SEPTIN10: variants seen among roughly 807,000 people sequenced by gnomAD.
SEPTIN10 encodes the protein septin-10.
Under a neutral mutation model 54.8 loss-of-function variants are expected in SEPTIN10, and 66 were observed. The observed-to-expected ratio is 1.21, with a 90% CI of 0.99 to 1.48. The LOEUF (loss-of-function observed/expected upper bound fraction) is 1.48. SEPTIN10 is among the 40% of genes most tolerant of loss of function. SEPTIN10 has a pLI of 0.00. For missense variants in SEPTIN10, 620 were observed against 545.6 expected (o/e 1.14, Z -1.36); for synonymous variants, 161 against 181.0 (o/e 0.89, Z 0.89).
chr2:109,577,348 C>G (rs1689923165), intron 4 of SEPTIN10, among the ~76,000 whole-genome samples: 1 of 152,102 alleles, frequency 6.6e-6, no homozygotes, highest in Non-Finnish European at 1.5e-5. Context: ...AATTCCAGCA[C>G]TTTGGGAGGT....
chr2:109,604,099 T>G (rs1274130263), intron 1 of SEPTIN10, among the ~76,000 whole-genome samples: 3 of 147,494 alleles, frequency 2.0e-5, no homozygotes, highest in Non-Finnish European at 3.0e-5. Context: ...GAGGTGGAGA[T>G]TGCAGTGAGC....
chr2:109,609,418 G>T (rs151335678), intron 1 of SEPTIN10, among the ~76,000 whole-genome samples: 1 of 152,130 alleles, frequency 6.6e-6, no homozygotes, highest in African/African-American at 2.4e-5. Context: ...GATGCAAAAG[G>T]TTAACAATAC....
chr2:109,568,034 G>A (rs1226903086), intron 5 of SEPTIN10, 58 bp from the exon 6 acceptor site: 1 of 1,349,866 alleles, frequency 7.4e-7, no homozygotes, highest in African/African-American at 1.5e-5. Context: ...TAATCCTGCA[G>A]CTGTTTTTTC....
At chr2:109,548,340 T>C (rs1469892030) in intron 9 of SEPTIN10, among the ~76,000 whole-genome samples, 1 of 152,174 alleles carries the variant, frequency 6.6e-6, no homozygotes, top group South Asian at 2.1e-4. Context: ...ACATTTTAGT[T>C]CTGGGTAGAA....
At chr2:109,609,949 T>A (rs779873895) in intron 1 of SEPTIN10, among the ~76,000 whole-genome samples, 21 of 152,096 alleles carry the variant, frequency 1.4e-4, no homozygotes, top group Admixed American at 2.6e-4. Context: ...TAACTAATTA[T>A]ACAGCCAGGA....
chr2:109,579,861 C>A (rs777649716), intron 4 of SEPTIN10, among the ~76,000 whole-genome samples: 44 of 151,988 alleles, frequency 2.9e-4, no homozygotes, highest in Non-Finnish European at 5.9e-4. Context: ...TGGCTCATGC[C>A]TGTAATCCCA....
At chr2:109,549,682 T>C (rs968861660) in intron 9 of SEPTIN10, among the ~76,000 whole-genome samples, 1 of 152,210 alleles carries the variant, frequency 6.6e-6, no homozygotes, top group Non-Finnish European at 1.5e-5. Flanking sequence ...GGGGATACAT[T>C]CCAAGACTCC....
In SEPTIN10 at chr2:109,592,212, C is replaced by T. The variant is rs544184328; in HGVS notation, c.99+839G>A. ...GGGCGTGGTGGCTCACGCCTGTAATCCTAGCACTTTGGGAGGCTGAGGGAG... is the reference window on the plus strand; with the variant it reads ...GGGCGTGGTGGCTCACGCCTGTAATTCTAGCACTTTGGGAGGCTGAGGGAG... On this transcript the variant is annotated intron_variant, in intron 2 of 10. Coordinates refer to ENST00000397712, the MANE Select transcript of SEPTIN10 (RefSeq NM_144710.5). Among the ~76,000 whole-genome samples the T allele has an allele frequency of 2.6e-4, 39 of 152,146 alleles. No homozygotes were observed. The South Asian group carries it at 7.7e-3, about 30-fold the overall frequency.
chr2:109,608,718 G>C (rs899057499), intron 1 of SEPTIN10, among the ~76,000 whole-genome samples: 3 of 152,144 alleles, frequency 2.0e-5, no homozygotes, highest in African/African-American at 7.2e-5. Context: ...TTATGACTAT[G>C]AGATACATGA....
At chr2:109,578,584 G>C (rs2903537) in intron 4 of SEPTIN10, among the ~76,000 whole-genome samples, 3 of 151,984 alleles carry the variant, frequency 2.0e-5, no homozygotes. Context: ...CTGGCCAACA[G>C]GGCGAAACCC....
chr2:109,545,156 C>T, intron 10 of SEPTIN10: 1 of 984,902 alleles, frequency 1.0e-6, no homozygotes. Context: ...TGGGAGCATG[C>T]AACGCTGCTA....
intron 1 of SEPTIN10, among the ~76,000 whole-genome samples, chr2:109,603,097 A>G (rs559812259): frequency 1.3e-5 from 2 of 152,104 alleles, no homozygotes; most frequent in East Asian, 1.9e-4. Context: ...AAACAAAACA[A>G]AAAAGCATTA....
intron 5 of SEPTIN10, among the ~76,000 whole-genome samples, chr2:109,569,847 G>A (rs985605439): frequency 2.0e-5 from 3 of 151,994 alleles, no homozygotes; most frequent in Non-Finnish European, 4.4e-5. Context: ...CACCAATGGC[G>A]TAAGAGAAGA....
At chr2:109,570,419 C>T (rs981413284) in intron 5 of SEPTIN10, among the ~76,000 whole-genome samples, 10 of 151,632 alleles carry the variant, frequency 6.6e-5, no homozygotes, top group Admixed American at 2.6e-4. Flanking sequence ...AACTGAGGAT[C>T]AAAAATATTA....
chr2:109,579,009 G>T (rs531391413), intron 4 of SEPTIN10, among the ~76,000 whole-genome samples: 2 of 152,184 alleles, frequency 1.3e-5, no homozygotes, highest in South Asian at 4.2e-4. Flanking sequence ...TATTTGAAAA[G>T]ATTAAATAAA....
intron 8 of SEPTIN10, among the ~76,000 whole-genome samples, chr2:109,559,188 A>C (rs1685064255): frequency 6.6e-6 from 1 of 152,186 alleles, no homozygotes; most frequent in Admixed American, 6.5e-5. Context: ...GCCTGGCCAG[A>C]TATAACTTCT....
chr2:109,563,974 A>C (rs1686293204), intron 8 of SEPTIN10, among the ~76,000 whole-genome samples: 1 of 152,210 alleles, frequency 6.6e-6, no homozygotes, highest in South Asian at 2.1e-4. Context: ...TAAATAAATA[A>C]AACTAAGAAA....
intron 1 of SEPTIN10, 112 bp downstream of exon 1, chr2:109,613,686 G>A: frequency 1.4e-6 from 1 of 717,726 alleles, no homozygotes; most frequent in Non-Finnish European, 1.9e-6. Context: ...GGGGCCGGAG[G>A]GGGCGCGGGT....
At chr2:109,577,953 A>C (rs1257343641) in intron 4 of SEPTIN10, among the ~76,000 whole-genome samples, 3 of 151,642 alleles carry the variant, frequency 2.0e-5, no homozygotes, top group Non-Finnish European at 4.4e-5. Context: ...ATATAATAGC[A>C]ATCAGGAGAA....
Sources: gnomAD v4.1 joint callset for allele counts (sites outside exome capture counted in the v4.1 genomes callset) on GRCh38, gnomAD v4.1.1 for gene constraint, MANE v1.5 for transcripts, NCBI Gene and HGNC (gene_info 2026-07-23, HGNC 2026-07-21) for gene names.